ZFHX3: variants seen among roughly 807,000 people sequenced by gnomAD.
The protein encoded by ZFHX3 is zinc finger homeobox protein 3.
A neutral mutation model predicts 279.1 loss-of-function variants in ZFHX3; 42 were observed. The observed-to-expected ratio is 0.15, with a 90% CI of 0.12 to 0.19. The LOEUF (loss-of-function observed/expected upper bound fraction) is 0.19, where lower values mean the gene tolerates loss of function less well. Ranked by LOEUF, ZFHX3 falls within the 10% of genes least tolerant of loss-of-function variation. ZFHX3 has a pLI of 1.00. For synonymous variants in ZFHX3, 2,293 were observed against 1,957.8 expected (o/e 1.17, Z -4.52); for missense variants, 4,981 against 4,754.0 (o/e 1.05, Z -1.40).
At chr16:73,823,333 G>A (rs1960804949) in intron 1 of ZFHX3, among the ~76,000 whole-genome samples, 1 of 152,094 alleles carries the variant, frequency 6.6e-6, no homozygotes, top group Non-Finnish European at 1.5e-5. Context: ...AGAAAAGCCT[G>A]ATTAGAGAGA....
intron 8 of ZFHX3, among the ~76,000 whole-genome samples, chr16:73,076,862 AAT>A (rs1310209283): frequency 1.3e-5 from 2 of 151,458 alleles, no homozygotes; most frequent in Non-Finnish European, 2.9e-5. Flanking sequence ...TATTTTATAA[AAT>A]ATGTGTGTGT....
intron 1 of ZFHX3, among the ~76,000 whole-genome samples, chr16:73,036,264 C>T (rs768438551): frequency 7.2e-5 from 11 of 152,220 alleles, no homozygotes; most frequent in Non-Finnish European, 1.5e-4. Flanking sequence ...ATCACAAGGC[C>T]AGTCTCATTT....
intron 3 of ZFHX3, among the ~76,000 whole-genome samples, chr16:72,930,872 T>A (rs999309748): frequency 6.6e-6 from 1 of 152,170 alleles, no homozygotes; most frequent in Non-Finnish European, 1.5e-5. Context: ...CAAGGTGCCA[T>A]CACTGAGCCG....
chr16:73,289,790 G>A (rs539231945), intron 4 of ZFHX3, among the ~76,000 whole-genome samples: 3 of 152,084 alleles, frequency 2.0e-5, no homozygotes, highest in South Asian at 2.1e-4. Context: ...CAGGTGCACC[G>A]AAATGTGGCT....
At chr16:73,490,405 A>G (rs535487443) in intron 2 of ZFHX3, among the ~76,000 whole-genome samples, 22 of 152,384 alleles carry the variant, frequency 1.4e-4, no homozygotes, top group African/African-American at 4.3e-4. Context: ...CATGCTACTA[A>G]AAATTTTATT....
chr16:73,607,376 T>G (rs1036605188), intron 2 of ZFHX3, among the ~76,000 whole-genome samples: 2 of 152,216 alleles, frequency 1.3e-5, no homozygotes, highest in African/African-American at 4.8e-5. Flanking sequence ...GTATATGTAC[T>G]ACATTTTCTT....
Position 72,788,541 on chromosome 16 carries a change from C to T in ZFHX3, c.9735G>A (p.Lys3245=), listed in dbSNP as rs769726296. 3 of 1,614,182 alleles carry T rather than the reference C, an allele frequency of 1.9e-6. No individual in the cohort carries two copies. In the South Asian group the frequency reaches 3.3e-5, roughly 18 times the overall value. The change falls in exon 10 of 10, where the codon AAG becomes AAA. Residue 3245 remains lysine, a synonymous_variant. Transcript: ENST00000268489. The part of the protein sequence containing the change: ...KDSEKVKEKE[K]AHKGKGEPLP... ...GGGGTTCCCCTTTCCCTTTGTGTGC[C>T]TTTTCCTTCTCCTTTACTTTCTCAC...
intron 3 of ZFHX3, among the ~76,000 whole-genome samples, chr16:73,414,797 C>T (rs1407219830): frequency 1.3e-5 from 2 of 152,164 alleles, no homozygotes; most frequent in Non-Finnish European, 2.9e-5. Flanking sequence ...GATTGCGCCA[C>T]CGCACTTTAG....
rs557754037 is a variant in ZFHX3, at chr16:73,134,094, C to T, written c.-1023-3000G>A. 1.5e-4 allele frequency among the ~76,000 whole-genome samples: 23 copies of T among 152,192 alleles called. No individual in the cohort carries two copies. The South Asian group carries it at 4.6e-3, about 30-fold the overall frequency. On this transcript the variant is annotated intron_variant, in intron 6 of 17. Transcript: ENST00000641206. ...CCAGTAGCCCTATGAGGTAGGTGTG[C>T]TTAAAAGAGGAAGCTGAGGCACAAA... is the stretch of plus-strand genomic sequence containing the variant.
chr16:73,287,872 G>T (rs1234477707), intron 4 of ZFHX3, among the ~76,000 whole-genome samples: 1 of 151,860 alleles, frequency 6.6e-6, no homozygotes, highest in Non-Finnish European at 1.5e-5. Flanking sequence ...GTGTGGATGT[G>T]TGGGTTGGTG....
chr16:73,586,389 AAAACAAACAAAC>A (rs145424169), intron 2 of ZFHX3, among the ~76,000 whole-genome samples: 5,038 of 146,708 alleles, frequency 0.034, 288 homozygotes, highest in African/African-American at 0.12. Flanking sequence ...ACTCTATCTC[AAAACAAACAAAC>A]AAACAAACAA....
chr16:73,670,648 A>C (rs1411543002), intron 2 of ZFHX3, among the ~76,000 whole-genome samples: 1 of 152,222 alleles, frequency 6.6e-6, no homozygotes, highest in African/African-American at 2.4e-5. Flanking sequence ...GTAATGAAAT[A>C]AGGAGTAAAA....
chr16:72,787,729 C>CCGCCGCCACCGCCGCCGG lies in ZFHX3; in HGVS notation c.10546_10547insCCGGCGGCGGTGGCGGCG (p.Gly3515_Gly3516insAlaGlyGlyGlyGlyGly), dbSNP rs1313749323. 19 of 1,399,422 alleles carry CCGCCGCCACCGCCGCCGG rather than the reference C, an allele frequency of 1.4e-5. No homozygotes were observed. Among genetic ancestry groups the CCGCCGCCACCGCCGCCGG allele is most frequent in the Non-Finnish European group, 1.7e-5 (18 of 1,071,746 alleles). 86.7% of individuals were successfully genotyped at this position (1,399,422 alleles called of 1,614,324 possible). On this transcript the variant is annotated inframe_insertion, in exon 10 of 10. Coordinates refer to ENST00000268489, the MANE Select transcript of ZFHX3 (RefSeq NM_006885.4). Reference sequence around the variant, plus strand: ...GCCGCCGCCGCCGCCACCGCCGCCGCCGCCGCCACTGCCACCGCCGCCGCC... The same window carrying CCGCCGCCACCGCCGCCGG: ...GCCGCCGCCGCCGCCACCGCCGCCGCCGCCGCCACCGCCGCCGGCGCCGCCACTGCCACCGCCGCCGCC...
chr16:73,801,091 G>A (rs961764183), intron 1 of ZFHX3, among the ~76,000 whole-genome samples: 1 of 152,152 alleles, frequency 6.6e-6, no homozygotes, highest in Non-Finnish European at 1.5e-5. Context: ...AAGAGAAGTT[G>A]GAACAAGCTG....
At chr16:73,327,839 G>T (rs1172690647) in intron 3 of ZFHX3, among the ~76,000 whole-genome samples, 2 of 152,128 alleles carry the variant, frequency 1.3e-5, no homozygotes, top group Non-Finnish European at 2.9e-5. Context: ...TCTGTCATTT[G>T]CCCCCAGGGG....
chr16:73,531,690 G>A (rs1223246160), intron 2 of ZFHX3, among the ~76,000 whole-genome samples: 2 of 142,594 alleles, frequency 1.4e-5, no homozygotes, highest in East Asian at 4.1e-4. Flanking sequence ...ACTCCAGCCT[G>A]GGTGACAGAC....
At chr16:73,735,609 G>A (rs1416217153) in intron 1 of ZFHX3, among the ~76,000 whole-genome samples, 1 of 152,114 alleles carries the variant, frequency 6.6e-6, no homozygotes, top group African/African-American at 2.4e-5. Context: ...CTGTACATTT[G>A]AGAACACCAC....
intron 1 of ZFHX3, among the ~76,000 whole-genome samples, chr16:73,698,076 A>G (rs1159480478): frequency 6.6e-6 from 1 of 152,182 alleles, no homozygotes; most frequent in East Asian, 1.9e-4. Flanking sequence ...AGGAAATGAT[A>G]AAGTTTTAAG....
chr16:73,241,861 G>C (rs1187654125), intron 5 of ZFHX3, among the ~76,000 whole-genome samples: 1 of 149,950 alleles, frequency 6.7e-6, no homozygotes, highest in Non-Finnish European at 1.5e-5. Flanking sequence ...AGTCTATTTG[G>C]AGTTAGTTCC....
Sources: allele counts gnomAD v4.1 joint callset (sites outside exome capture counted in the v4.1 genomes callset), GRCh38; gene constraint gnomAD v4.1.1; transcripts MANE v1.5; gene names NCBI Gene and HGNC (gene_info 2026-07-23, HGNC 2026-07-21).